Variants in SNTG2 observed in about 807,000 individuals in gnomAD.
SNTG2 encodes the protein gamma-2-syntrophin.
SNTG2 carries 74 observed loss-of-function variants against 70.9 expected under a neutral mutation model. The ratio of observed to expected loss-of-function variants is 1.04; its 90% confidence interval spans 0.86 to 1.27. SNTG2 has a LOEUF of 1.27. Among genes scored for constraint, SNTG2 ranks in the 50% most tolerant of loss-of-function variants. The pLI is 0.00. For missense variants in SNTG2, 717 were observed against 690.7 expected (o/e 1.04, Z -0.43); for synonymous variants, 278 against 273.8 (o/e 1.02, Z -0.15).
chr2:987,363 T>C (rs1399954138), intron 1 of SNTG2, among the ~76,000 whole-genome samples: 1 of 152,144 alleles, frequency 6.6e-6, no homozygotes, highest in Non-Finnish European at 1.5e-5. Context: ...ACACTGGACC[T>C]TAGGCAGCAA....
chr2:998,709 A>T (rs1157352030), intron 1 of SNTG2, among the ~76,000 whole-genome samples: 1 of 152,162 alleles, frequency 6.6e-6, no homozygotes, highest in Admixed American at 6.5e-5. Flanking sequence ...TTTGGAAAAC[A>T]TATCTGAGGA....
At chr2:953,395 G>A (rs1288821521) in intron 1 of SNTG2, among the ~76,000 whole-genome samples, 1 of 152,252 alleles carries the variant, frequency 6.6e-6, no homozygotes, top group African/African-American at 2.4e-5. Context: ...ATTGGCATGA[G>A]CCGGGAACAT....
intron 6 of SNTG2, among the ~76,000 whole-genome samples, chr2:1,141,796 T>C (rs1572547802): frequency 9.2e-6 from 1 of 109,144 alleles, no homozygotes; most frequent in East Asian, 2.8e-4. Flanking sequence ...TCAGGGGAGT[T>C]AAAGAGCCCC....
chr2:1,251,820 C>G (rs1677791476), intron 12 of SNTG2, among the ~76,000 whole-genome samples: 1 of 151,960 alleles, frequency 6.6e-6, no homozygotes, highest in Admixed American at 6.6e-5. Flanking sequence ...GCACACCACT[C>G]ATGCACACAC....
At chr2:1,124,942 GAC>G (rs1170884625) in intron 4 of SNTG2, among the ~76,000 whole-genome samples, 1 of 152,096 alleles carries the variant, frequency 6.6e-6, no homozygotes, top group Non-Finnish European at 1.5e-5. Flanking sequence ...AGCTGCTCTT[GAC>G]ACACACAAAA....
At chr2:1,352,317 G>T (rs1197378057) in intron 16 of SNTG2, among the ~76,000 whole-genome samples, 1 of 152,084 alleles carries the variant, frequency 6.6e-6, no homozygotes, top group Non-Finnish European at 1.5e-5. Flanking sequence ...TTTCAAATGG[G>T]ATGCCAGCCC....
chr2:1,179,392 A>G (rs1037882355), intron 8 of SNTG2, among the ~76,000 whole-genome samples: 28 of 152,182 alleles, frequency 1.8e-4, no homozygotes, highest in African/African-American at 6.8e-4. Context: ...ATCAATGTGC[A>G]AAAATCACAA....
At chr2:1,012,641 T>G (rs1659767799) in intron 1 of SNTG2, among the ~76,000 whole-genome samples, 2 of 131,098 alleles carry the variant, frequency 1.5e-5, no homozygotes, top group Non-Finnish European at 1.7e-5. Flanking sequence ...GAGAGAAGGG[T>G]GGTCTGTAGA....
In SNTG2 at chr2:1,278,961, T is replaced by TGCATAACACCCTGTCAGC. The variant is rs368977360; in HGVS notation, c.1284+11393_1284+11410dup. On this transcript the variant is annotated intron_variant, in intron 14 of 16. Coordinates refer to ENST00000308624, the MANE Select transcript of SNTG2 (RefSeq NM_018968.4). The stretch of plus-strand genomic sequence containing the variant: ...TCAGTGCGCGAATCACCCCTGTCAG[T>TGCATAACACCCTGTCAGC]GCATAACACCCTGTCAGCGCGCGAA... Among the ~76,000 whole-genome samples, 5 of 145,498 alleles carry TGCATAACACCCTGTCAGC rather than the reference T, an allele frequency of 3.4e-5. No individual in the cohort carries two copies. In the East Asian group the frequency reaches 1.0e-3, roughly 30 times the overall value.
intron 1 of SNTG2, among the ~76,000 whole-genome samples, chr2:1,039,824 G>A (rs1325726072): frequency 6.6e-6 from 1 of 152,202 alleles, no homozygotes; most frequent in Admixed American, 6.5e-5. Context: ...CTTCAGGGCT[G>A]TCAGCCCTGC....
At chr2:1,208,551 G>A (rs1187288117) in intron 8 of SNTG2, among the ~76,000 whole-genome samples, 1 of 152,120 alleles carries the variant, frequency 6.6e-6, no homozygotes, top group Non-Finnish European at 1.5e-5. Context: ...GTGGTTGCAT[G>A]GCTCCTTCAC....
chr2:1,113,252 CTAAG>C lies in SNTG2; in HGVS notation c.325+14844_325+14847del, dbSNP rs542225369. Among the ~76,000 whole-genome samples the C allele has an allele frequency of 3.7e-3, 557 of 150,002 alleles. 6 individuals carry two copies. The highest frequency in any genetic ancestry group is 0.012 in the African/African-American group (497 of 40,268). ...AGTCCTTTCAGAAGGATGGTGTGTACTAAGTGAGGTTTAACCCTTACAGTCCTTT... is the reference window on the plus strand; with the variant it reads ...AGTCCTTTCAGAAGGATGGTGTGTACTGAGGTTTAACCCTTACAGTCCTTT... On this transcript the variant is annotated intron_variant, in intron 4 of 16. Coordinates refer to ENST00000308624, the MANE Select transcript of SNTG2 (RefSeq NM_018968.4).
At chr2:1,155,098 A>T (rs1186537925) in intron 6 of SNTG2, among the ~76,000 whole-genome samples, 1 of 151,176 alleles carries the variant, frequency 6.6e-6, no homozygotes, top group Non-Finnish European at 1.5e-5. Context: ...TACATTAAAC[A>T]TACACACATA....
chr2:1,227,536 C>T (rs1301290289), intron 9 of SNTG2, among the ~76,000 whole-genome samples: 1 of 152,186 alleles, frequency 6.6e-6, no homozygotes, highest in Non-Finnish European at 1.5e-5. Flanking sequence ...TGAGCTCGTC[C>T]GCTCCGCCAC....
Position 1,237,697 on chromosome 2 carries a change from C to A in SNTG2, c.720-191C>A, listed in dbSNP as rs527564580. 4.6e-5 allele frequency among the ~76,000 whole-genome samples: 7 copies of A among 152,334 alleles called. No homozygotes were observed. The East Asian group carries it at 1.3e-3, about 29-fold the overall frequency. On this transcript the variant is annotated intron_variant, in intron 9 of 16. Coordinates refer to ENST00000308624, the MANE Select transcript of SNTG2 (RefSeq NM_018968.4). The stretch of plus-strand genomic sequence containing the variant: ...TCGAATTAGAAGTAGCTCCTGTTAC[C>A]AAGGGAATTCGGGGTTTGGTCTTGG...
rs557195592 is a variant in SNTG2 at position 1,367,532 on chromosome 2, C to G, written c.*58C>G. On this transcript the variant is annotated 3_prime_UTR_variant, in exon 17 of 17. Coordinates refer to ENST00000308624, the MANE Select transcript of SNTG2 (RefSeq NM_018968.4). ...TTATTTTCGTAAGAAATGATTCTTT[C>G]CTGCAGAATATTGCAACTTTGTGTT... The G allele has an allele frequency of 3.1e-5, 48 of 1,531,376 alleles. No homozygotes were observed. Among genetic ancestry groups the G allele is most frequent in the African/African-American group, 4.1e-5 (3 of 72,464 alleles). 94.9% of individuals were successfully genotyped at this position (1,531,376 alleles called of 1,614,324 possible). A position where few individuals can be genotyped will look rare whatever the true frequency, so the allele number is the denominator to read the frequency against.
At chr2:1,026,210 C>A (rs974306585) in intron 1 of SNTG2, among the ~76,000 whole-genome samples, 2 of 152,266 alleles carry the variant, frequency 1.3e-5, no homozygotes, top group Middle Eastern at 3.4e-3. Flanking sequence ...CAGATGCAGA[C>A]ACGTGTCTTT....
intron 7 of SNTG2, among the ~76,000 whole-genome samples, chr2:1,167,017 C>T (rs1670753039): frequency 6.6e-6 from 1 of 152,240 alleles, no homozygotes; most frequent in South Asian, 2.1e-4. Context: ...TGCCAACCCT[C>T]CAAGCTCACG....
chr2:1,199,918 A>G (rs1412951480), intron 8 of SNTG2, among the ~76,000 whole-genome samples: 1 of 152,094 alleles, frequency 6.6e-6, no homozygotes, highest in East Asian at 1.9e-4. Flanking sequence ...AAGAATTAAT[A>G]TAGTAAAAAT....
Sources: allele counts gnomAD v4.1 joint callset (sites outside exome capture counted in the v4.1 genomes callset), GRCh38; gene constraint gnomAD v4.1.1; transcripts MANE v1.5; gene names NCBI Gene and HGNC (gene_info 2026-07-23, HGNC 2026-07-21).